Variants in ENAH observed in about 807,000 individuals in gnomAD.
The protein encoded by ENAH is ENAH actin regulator.
A neutral mutation model predicts 78.7 loss-of-function variants in ENAH; 23 were observed. The ratio of observed to expected loss-of-function variants is 0.29; its 90% CI spans 0.21 to 0.41. The LOEUF (loss-of-function observed/expected upper bound fraction) is 0.41. Among genes scored for constraint, ENAH ranks in the 10% least tolerant of loss-of-function variants. ENAH has a pLI of 1.00. For missense variants in ENAH, 544 were observed against 691.0 expected (o/e 0.79, Z 2.39); for synonymous variants, 226 against 241.0 (o/e 0.94, Z 0.58).
chr1:225,647,766 A>G (rs1662231228), intron 1 of ENAH, among the ~76,000 whole-genome samples: 1 of 152,202 alleles, frequency 6.6e-6, no homozygotes, highest in African/African-American at 2.4e-5. Context: ...AACAGATTCT[A>G]TAAAAGAGCA....
Position 225,512,953 on chromosome 1 carries a change from T to C in ENAH, c.1282A>G (p.Thr428Ala), listed in dbSNP as rs775459838. ...AIGVNSASSK[T>A]DTGRGNGPLP... ...GGTCCATTTCCACGGCCTGTATCTG[T>C]TTTAGATGAGGCGGAGTTCACACCA... The change falls in exon 8 of 14, where the codon ACA (threonine) becomes GCA (alanine). Residue 428 changes from threonine to alanine, a missense_variant. Physicochemically the swap from Thr to Ala is moderately conservative, Grantham distance 58 (BLOSUM62 0). Transcript: ENST00000366843. The C allele has an allele frequency of 1.2e-6, 2 of 1,613,892 alleles. No individual in the cohort carries two copies. The highest frequency in any genetic ancestry group is 1.7e-6 in the Non-Finnish European group (2 of 1,179,822).
At chr1:225,609,640 G>A (rs1029272281) in intron 1 of ENAH, among the ~76,000 whole-genome samples, 1 of 149,052 alleles carries the variant, frequency 6.7e-6, no homozygotes, top group East Asian at 2.0e-4. Context: ...GATTCTAGCA[G>A]GAAAGGGAAA....
intron 4 of ENAH, 22 bp downstream of exon 4, chr1:225,530,532 A>G: frequency 6.3e-7 from 1 of 1,584,128 alleles, no homozygotes; most frequent in Non-Finnish European, 8.7e-7. Flanking sequence ...GAAAAAGTAC[A>G]AACAATAACT....
chr1:225,585,083 G>T (rs2096838534), intron 1 of ENAH, among the ~76,000 whole-genome samples: 1 of 151,760 alleles, frequency 6.6e-6, no homozygotes, highest in Admixed American at 6.6e-5. Flanking sequence ...GGCAGTAGTG[G>T]CGTGTGCCTA....
intron 12 of ENAH, among the ~76,000 whole-genome samples, chr1:225,500,285 C>CT (rs1292373152): frequency 6.6e-6 from 1 of 152,162 alleles, no homozygotes; most frequent in African/African-American, 2.4e-5. Context: ...TCACTTACTA[C>CT]TTTTTCCTGA....
intron 1 of ENAH, among the ~76,000 whole-genome samples, chr1:225,601,658 T>C (rs1045945561): frequency 2.0e-5 from 3 of 152,174 alleles, no homozygotes; most frequent in Admixed American, 2.0e-4. Flanking sequence ...TTTTCTCACA[T>C]ACCCTAAACA....
intron 1 of ENAH, among the ~76,000 whole-genome samples, chr1:225,645,815 T>G (rs1253976659): frequency 6.6e-6 from 1 of 152,200 alleles, no homozygotes; most frequent in Non-Finnish European, 1.5e-5. Flanking sequence ...CACTCAAAAA[T>G]AAATTATTTA....
intron 1 of ENAH, among the ~76,000 whole-genome samples, chr1:225,601,423 C>A (rs888321367): frequency 4.0e-5 from 6 of 151,070 alleles, no homozygotes; most frequent in African/African-American, 1.5e-4. Flanking sequence ...GAGGCTGAGG[C>A]AAGAGAATGG....
rs78975304 is a variant in ENAH, at chr1:225,572,007, T to A, written c.6-4593A>T. On this transcript the variant is annotated intron_variant, in intron 1 of 13. Coordinates refer to ENST00000366843, the MANE Select transcript of ENAH (RefSeq NM_018212.6). ...AAATTATCAAATGTGGGTTGGGTGG[T>A]TTCAGGAACCTCAGTATTTGCAGTT... is the stretch of plus-strand genomic sequence containing the variant. Among the ~76,000 whole-genome samples, 134 of 152,246 alleles carry A rather than the reference T, an allele frequency of 8.8e-4. 1 individual carries two copies. In the East Asian group the frequency reaches 0.025, roughly 28 times the overall value.
At chr1:225,567,213 A>G in intron 2 of ENAH, 36 bp downstream of exon 2, 1 of 1,598,738 alleles carries the variant, frequency 6.3e-7, no homozygotes, top group Non-Finnish European at 8.5e-7. Context: ...TTGTAATACT[A>G]AATCATTTTT....
At chr1:225,532,663 T>C (rs1244056191) in intron 3 of ENAH, among the ~76,000 whole-genome samples, 1 of 152,108 alleles carries the variant, frequency 6.6e-6, no homozygotes, top group African/African-American at 2.4e-5. Flanking sequence ...AAGTTTAATG[T>C]AACTCACAAA....
intron 7 of ENAH, 142 bp from the exon 8 acceptor site, chr1:225,513,158 A>T: frequency 5.8e-6 from 4 of 695,352 alleles, no homozygotes; most frequent in Non-Finnish European, 9.0e-6. Context: ...AAGAACCAAT[A>T]GATTCTTAGC....
At chr1:225,621,294 C>CTTTT (rs1656853463) in intron 1 of ENAH, among the ~76,000 whole-genome samples, 1 of 146,534 alleles carries the variant, frequency 6.8e-6, no homozygotes, top group African/African-American at 2.4e-5. Flanking sequence ...AAATCTATCT[C>CTTTT]TCTTTTTTTT....
chr1:225,539,217 A>C (rs2096577309), intron 3 of ENAH, among the ~76,000 whole-genome samples: 1 of 152,010 alleles, frequency 6.6e-6, no homozygotes, highest in Non-Finnish European at 1.5e-5. Flanking sequence ...TCTCTCTCCA[A>C]ACTCTCTCCA....
At position 225,567,569 on chromosome 1, in the gene ENAH, G is replaced by A. The variant is rs116523810; in HGVS notation, c.6-155C>T. 5.3e-3 allele frequency among the ~76,000 whole-genome samples: 806 copies of A among 152,268 alleles called. 9 individuals are homozygous for A. Among genetic ancestry groups the A allele is most frequent in the African/African-American group, 0.019 (775 of 41,542 alleles). ...CAAGACAGAGGCTTCCTGTCTTTAT[G>A]TGTACAGTCTAATGGTGAAGACAAA... On this transcript the variant is annotated intron_variant, in intron 1 of 13. Transcript: ENST00000366843.
chr1:225,531,751 C>T (rs1296510375), intron 3 of ENAH, among the ~76,000 whole-genome samples: 1 of 151,988 alleles, frequency 6.6e-6, no homozygotes, highest in Non-Finnish European at 1.5e-5. Flanking sequence ...GTATTTTATA[C>T]TAGTGGAGTA....
chr1:225,539,954 G>A (rs759285611), intron 3 of ENAH, among the ~76,000 whole-genome samples: 2 of 152,026 alleles, frequency 1.3e-5, no homozygotes, highest in Non-Finnish European at 2.9e-5. Flanking sequence ...CCTACTTCAG[G>A]TTTTATTGTA....
intron 1 of ENAH, among the ~76,000 whole-genome samples, chr1:225,629,566 AAC>A (rs1658611702): frequency 6.6e-6 from 1 of 151,800 alleles, no homozygotes; most frequent in African/African-American, 2.4e-5. Context: ...CAGCCTGGGC[AAC>A]AGAGTGAGAC....
At chr1:225,620,416 C>G (rs1656601961) in intron 1 of ENAH, among the ~76,000 whole-genome samples, 1 of 151,668 alleles carries the variant, frequency 6.6e-6, no homozygotes. Context: ...GTCCCAGCTA[C>G]TTGGGAAGCT....
Sources: allele counts gnomAD v4.1 joint callset (sites outside exome capture counted in the v4.1 genomes callset), GRCh38; gene constraint gnomAD v4.1.1; transcripts MANE v1.5; gene names NCBI Gene and HGNC (gene_info 2026-07-23, HGNC 2026-07-21).